The following ITFG1 variants were observed in gnomAD, a reference collection of about 807,000 sequenced individuals.
ITFG1 encodes T-cell immunomodulatory protein.
ITFG1 carries 34 observed loss-of-function variants against 81.8 expected under a neutral mutation model. The observed-to-expected ratio is 0.42, with a 90% CI of 0.32 to 0.55. The LOEUF (loss-of-function observed/expected upper bound fraction) is 0.55, where lower values mean the gene tolerates loss of function less well. Ranked by LOEUF, ITFG1 falls within the 20% of genes least tolerant of loss-of-function variation. The probability of loss-of-function intolerance (pLI) is 0.17; values close to 1 mark genes in which losing one functional copy is unlikely to be tolerated. For synonymous variants in ITFG1, 285 were observed against 270.6 expected (o/e 1.05, Z -0.52); for missense variants, 672 against 755.4 (o/e 0.89, Z 1.29).
chr16:47,179,093 A>G (rs1217469396), intron 14 of ITFG1, among the ~76,000 whole-genome samples: 2 of 152,082 alleles, frequency 1.3e-5, no homozygotes, highest in East Asian at 3.9e-4. Flanking sequence ...GCTGGAGAGG[A>G]TGTGGAGAAA....
At chr16:47,384,455 C>T (rs1265151544) in intron 6 of ITFG1, among the ~76,000 whole-genome samples, 1 of 152,098 alleles carries the variant, frequency 6.6e-6, no homozygotes, top group East Asian at 1.9e-4. Context: ...TTTCTACACA[C>T]CAGAGAGGCA....
At chr16:47,180,547 T>C (rs1206755472) in intron 14 of ITFG1, among the ~76,000 whole-genome samples, 2 of 152,210 alleles carry the variant, frequency 1.3e-5, no homozygotes, top group Middle Eastern at 3.4e-3. Context: ...CACGCCTGAC[T>C]GTTTTTCGTA....
intron 14 of ITFG1, among the ~76,000 whole-genome samples, chr16:47,186,914 C>T (rs1965225897): frequency 6.6e-6 from 1 of 152,188 alleles, no homozygotes; most frequent in African/African-American, 2.4e-5. Context: ...TCAGCAAAGT[C>T]TCAGGATACA....
chr16:47,372,924 T>A (rs1968276270), intron 7 of ITFG1, among the ~76,000 whole-genome samples: 1 of 152,212 alleles, frequency 6.6e-6, no homozygotes, highest in South Asian at 2.1e-4. Context: ...TAAACTTTAA[T>A]CTCCCTACGT....
chr16:47,368,010 G>A (rs573809460), intron 7 of ITFG1, among the ~76,000 whole-genome samples: 76 of 152,166 alleles, frequency 5.0e-4, no homozygotes, highest in Non-Finnish European at 6.6e-4. Context: ...GGTCGAGGCG[G>A]GCGGATCAGG....
chr16:47,356,538 T>C (rs1457485677), intron 8 of ITFG1, among the ~76,000 whole-genome samples: 1 of 152,170 alleles, frequency 6.6e-6, no homozygotes, highest in African/African-American at 2.4e-5. Context: ...TAGGATTGCT[T>C]TGTGAGAGAG....
At chr16:47,405,884 A>C (rs892788251) in intron 6 of ITFG1, among the ~76,000 whole-genome samples, 4 of 152,228 alleles carry the variant, frequency 2.6e-5, no homozygotes, top group African/African-American at 9.6e-5. Context: ...TGGTTCTAAT[A>C]ATAGATACTT....
intron 6 of ITFG1, among the ~76,000 whole-genome samples, chr16:47,394,086 G>C (rs1027774128): frequency 7.2e-5 from 11 of 152,122 alleles, no homozygotes; most frequent in African/African-American, 2.4e-5. Context: ...AGAGCAGCAG[G>C]ATTTAAGAAC....
rs371753090 is a variant in ITFG1 at position 47,439,997 on chromosome 16, A to C, written c.561-11099T>G. Among the ~76,000 whole-genome samples, 48 of 152,182 alleles carry C rather than the reference A, an allele frequency of 3.2e-4. 1 individual carries two copies. The highest frequency in any genetic ancestry group is 1.3e-3 in the Admixed American group (20 of 15,278). On this transcript the variant is annotated intron_variant, in intron 5 of 17. Coordinates refer to ENST00000320640, the MANE Select transcript of ITFG1 (RefSeq NM_030790.5). ...AATAAAGGGATGGAGGAAGATCTACAAAGCAAATGGAAAACAAAAAAAGGC... is the reference window on the plus strand; with the variant it reads ...AATAAAGGGATGGAGGAAGATCTACCAAGCAAATGGAAAACAAAAAAAGGC...
intron 5 of ITFG1, among the ~76,000 whole-genome samples, chr16:47,438,913 T>A (rs529073792): frequency 3.3e-5 from 5 of 152,040 alleles, no homozygotes; most frequent in African/African-American, 1.2e-4. Flanking sequence ...TTTGAACCAA[T>A]GGCAAAGAAG....
chr16:47,346,076 G>C (rs1430699038), intron 8 of ITFG1, among the ~76,000 whole-genome samples: 1 of 152,148 alleles, frequency 6.6e-6, no homozygotes, highest in Non-Finnish European at 1.5e-5. Context: ...CACATACTTT[G>C]CTGGTACACA....
intron 13 of ITFG1, among the ~76,000 whole-genome samples, chr16:47,221,517 T>C (rs1158124913): frequency 6.6e-6 from 1 of 152,232 alleles, no homozygotes; most frequent in Non-Finnish European, 1.5e-5. Context: ...GCATCAATGT[T>C]CATCAAGGAT....
Position 47,226,627 on chromosome 16 carries a change from G to GT in ITFG1, c.1375-7682dup, listed in dbSNP as rs1268913829. On this transcript the variant is annotated intron_variant, in intron 13 of 17. Coordinates refer to ENST00000320640, the MANE Select transcript of ITFG1 (RefSeq NM_030790.5). ...TACGAGTGACAACATGCGGTGTTTG[G>GT]TTTTTTCTCCTTGCGACAGTTCGCT... Among the ~76,000 whole-genome samples the GT allele has an allele frequency of 1.4e-4, 21 of 149,066 alleles. 1 individual carries two copies. Among genetic ancestry groups the GT allele is most frequent in the Non-Finnish European group, 2.7e-4 (18 of 67,712 alleles).
intron 6 of ITFG1, among the ~76,000 whole-genome samples, chr16:47,423,451 A>G (rs1478227920): frequency 6.6e-6 from 1 of 152,044 alleles, no homozygotes; most frequent in Admixed American, 6.6e-5. Context: ...TGATATTGTT[A>G]TGTCTGAATT....
intron 6 of ITFG1, among the ~76,000 whole-genome samples, chr16:47,382,076 AATATG>A (rs1968403036): frequency 6.6e-6 from 1 of 152,242 alleles, no homozygotes; most frequent in Non-Finnish European, 1.5e-5. Flanking sequence ...TTGTTACAGA[AATATG>A]ATTTTTAATA....
chr16:47,438,102 G>T (rs1969192914), intron 5 of ITFG1, among the ~76,000 whole-genome samples: 5 of 152,204 alleles, frequency 3.3e-5, no homozygotes, highest in Admixed American at 3.3e-4. Context: ...AGCAGTCTGA[G>T]ATCAAACGGT....
intron 5 of ITFG1, chr16:47,448,366 C>T (rs1416679260): frequency 2.6e-5 from 4 of 152,106 alleles, no homozygotes; most frequent in African/African-American, 7.2e-5. Flanking sequence ...TAGCTGACTA[C>T]ATTTAAATAG....
intron 10 of ITFG1, chr16:47,263,123 C>T: frequency 8.0e-6 from 2 of 249,262 alleles, no homozygotes; most frequent in South Asian, 1.3e-4. Flanking sequence ...CTCCAAGCTG[C>T]CTGACAACAT....
intron 6 of ITFG1, among the ~76,000 whole-genome samples, chr16:47,386,708 C>G (rs981123676): frequency 4.3e-4 from 66 of 152,210 alleles, no homozygotes; most frequent in Non-Finnish European, 3.1e-4. Context: ...GGATGCCTCT[C>G]AGGGGGAAAG....
Sources: gnomAD v4.1 joint callset for allele counts (sites outside exome capture counted in the v4.1 genomes callset) on GRCh38, gnomAD v4.1.1 for gene constraint, MANE v1.5 for transcripts, NCBI Gene and HGNC (gene_info 2026-07-23, HGNC 2026-07-21) for gene names.